Variants in WDPCP observed in about 807,000 individuals in gnomAD.
WDPCP encodes WD repeat containing planar cell polarity effector.
Under a neutral mutation model 93.1 loss-of-function variants are expected in WDPCP, and 71 were observed. The ratio of observed to expected loss-of-function variants is 0.76; its 90% CI spans 0.63 to 0.93. The LOEUF (loss-of-function observed/expected upper bound fraction) is 0.93. WDPCP is among the 40% of genes least tolerant of loss of function. The pLI is 0.00. For synonymous variants in WDPCP, 315 were observed against 315.0 expected, an observed-to-expected ratio of 1.00 and a Z score of 0.00; for missense variants, 844 against 887.4, an observed-to-expected ratio of 0.95 and a Z score of 0.62.
chr2:63,273,359 A>G (rs887663973), intron 13 of WDPCP, among the ~76,000 whole-genome samples: 4 of 152,064 alleles, frequency 2.6e-5, no homozygotes, highest in African/African-American at 9.7e-5. Context: ...AAATGTTACT[A>G]CTACAGAATC....
At chr2:63,532,060 C>T (rs191046440) in intron 1 of WDPCP, among the ~76,000 whole-genome samples, 14 of 152,058 alleles carry the variant, frequency 9.2e-5, no homozygotes, top group Non-Finnish European at 1.5e-4. Flanking sequence ...AACTACGTGA[C>T]GCATGCACAA....
At chr2:63,368,639 T>TAA (rs543071951) in intron 12 of WDPCP, among the ~76,000 whole-genome samples, 1 of 142,044 alleles carries the variant, frequency 7.0e-6, no homozygotes, top group African/African-American at 2.6e-5. Context: ...TTTATTTAAT[T>TAA]AAAAAAAAAA....
At chr2:63,595,206 TCTCA>T (rs1709282921) in intron 3 of WDPCP, among the ~76,000 whole-genome samples, 2 of 152,222 alleles carry the variant, frequency 1.3e-5, no homozygotes, top group South Asian at 4.1e-4. Context: ...TGGTGATTCC[TCTCA>T]CTGTGTCTGT....
intron 1 of WDPCP, among the ~76,000 whole-genome samples, chr2:63,535,585 A>G (rs901013014): frequency 6.6e-6 from 1 of 152,236 alleles, no homozygotes; most frequent in Non-Finnish European, 1.5e-5. Context: ...ATCTCTGACA[A>G]ACCTGACAAA....
At chr2:63,730,077 T>C (rs964635608) in intron 2 of WDPCP, among the ~76,000 whole-genome samples, 5 of 152,112 alleles carry the variant, frequency 3.3e-5, no homozygotes, top group African/African-American at 1.2e-4. Context: ...AGGAGACAAG[T>C]AGAAAAAGAG....
chr2:63,283,886 TAG>T (rs1011366371), intron 13 of WDPCP, among the ~76,000 whole-genome samples: 9 of 152,184 alleles, frequency 5.9e-5, no homozygotes, highest in Admixed American at 5.2e-4. Flanking sequence ...AGGAGTAACT[TAG>T]AGAACAATGA....
chr2:63,351,484 A>G (rs368656351), intron 12 of WDPCP, among the ~76,000 whole-genome samples: 18 of 152,070 alleles, frequency 1.2e-4, no homozygotes, highest in African/African-American at 4.3e-4. Context: ...ATGTCCATGT[A>G]TGCTCAATGT....
At chr2:63,278,077 G>C (rs962965435) in intron 13 of WDPCP, among the ~76,000 whole-genome samples, 22 of 152,070 alleles carry the variant, frequency 1.4e-4, no homozygotes, top group African/African-American at 5.3e-4. Flanking sequence ...AGACAACAGT[G>C]GAATAAAATT....
At chr2:63,451,638 C>CA (rs958112584) in intron 6 of WDPCP, among the ~76,000 whole-genome samples, 9 of 151,974 alleles carry the variant, frequency 5.9e-5, no homozygotes, top group African/African-American at 1.9e-4. Context: ...AGAGACACAA[C>CA]AAAAAAAGAG....
chr2:63,588,362 G>A lies in WDPCP; in HGVS notation c.-91C>T, dbSNP rs1709027110. The A allele has an allele frequency of 6.9e-7, 1 of 1,440,760 alleles. No individual in the cohort carries two copies. The highest frequency in any genetic ancestry group is 9.5e-7 in the Non-Finnish European group (1 of 1,047,562). 89.2% of individuals were successfully genotyped at this position (1,440,760 alleles called of 1,614,324 possible). A position where few individuals can be genotyped will look rare whatever the true frequency, so the allele number is the denominator to read the frequency against. On this transcript the variant is annotated 5_prime_UTR_variant, in exon 1 of 18. Transcript: ENST00000272321. ...GCTCGCTTGGTCTCTTGGGTCTCCAGGACGCCGCCGCCGCCGCCACAGTTT... is the reference window on the plus strand; with the variant it reads ...GCTCGCTTGGTCTCTTGGGTCTCCAAGACGCCGCCGCCGCCGCCACAGTTT...
intron 10 of WDPCP, among the ~76,000 whole-genome samples, chr2:63,389,027 C>G (rs1257191010): frequency 1.3e-5 from 2 of 152,096 alleles, no homozygotes; most frequent in Non-Finnish European, 2.9e-5. Context: ...GGCCAACATT[C>G]AAGTTCAAGA....
intron 3 of WDPCP, among the ~76,000 whole-genome samples, chr2:63,634,067 G>C (rs892589877): frequency 6.6e-6 from 1 of 152,044 alleles, no homozygotes; most frequent in African/African-American, 2.4e-5. Context: ...AAAAAAGGGG[G>C]ATTTAAATCC....
At chr2:63,211,848 C>A (rs958731068) in intron 14 of WDPCP, among the ~76,000 whole-genome samples, 2 of 151,978 alleles carry the variant, frequency 1.3e-5, no homozygotes, top group African/African-American at 4.8e-5. Context: ...CCAATTCGAT[C>A]AAGTGGAATA....
At chr2:63,497,221 T>C (rs1464189994) in intron 1 of WDPCP, among the ~76,000 whole-genome samples, 1 of 151,822 alleles carries the variant, frequency 6.6e-6, no homozygotes, top group Non-Finnish European at 1.5e-5. Flanking sequence ...GCAGAATCTG[T>C]ATCCAGCAAA....
intron 6 of WDPCP, among the ~76,000 whole-genome samples, chr2:63,460,487 C>A (rs1698930985): frequency 6.6e-6 from 1 of 152,020 alleles, no homozygotes; most frequent in Admixed American, 6.6e-5. Context: ...TGAAGTAATA[C>A]CAACATGTAA....
At chr2:63,474,749 T>A (rs1431149317) in intron 6 of WDPCP, among the ~76,000 whole-genome samples, 2 of 152,148 alleles carry the variant, frequency 1.3e-5, no homozygotes, top group Non-Finnish European at 2.9e-5. Context: ...GTTTATTTTA[T>A]GACACATGAA....
In WDPCP at chr2:63,433,928, A is replaced by G. The variant is rs1696951832; in HGVS notation, c.642T>C (p.Tyr214=). 11 of 1,613,668 alleles carry G rather than the reference A, an allele frequency of 6.8e-6. No homozygotes were observed. In the South Asian group the frequency reaches 1.1e-4, roughly 16 times the overall value. ...KLSALDYKIF[Y]YEIPGPINKT... ...TGTTTATTGGGCCGGGTATTTCATAATAGAAAATCTAACAATTTTAAAAAA... is the reference window on the plus strand; with the variant it reads ...TGTTTATTGGGCCGGGTATTTCATAGTAGAAAATCTAACAATTTTAAAAAA... Residue 214 remains tyrosine (Y), a synonymous_variant, in exon 9 of 18, where the codon TAT becomes TAC. Transcript: ENST00000272321.
chr2:63,304,866 C>T (rs1172124871), intron 13 of WDPCP, among the ~76,000 whole-genome samples: 2 of 152,144 alleles, frequency 1.3e-5, no homozygotes, highest in African/African-American at 4.8e-5. Flanking sequence ...TTCTTGCCAG[C>T]ACAGCAGTTT....
At chr2:63,141,897 T>C (rs906435460) in intron 17 of WDPCP, among the ~76,000 whole-genome samples, 8 of 152,186 alleles carry the variant, frequency 5.3e-5, no homozygotes, top group Non-Finnish European at 2.9e-5. Context: ...ATCCATCTCT[T>C]CTAGGTTTTC....
Sources: gnomAD v4.1 joint callset for allele counts (sites outside exome capture counted in the v4.1 genomes callset) on GRCh38, gnomAD v4.1.1 for gene constraint, MANE v1.5 for transcripts, NCBI Gene and HGNC (gene_info 2026-07-23, HGNC 2026-07-21) for gene names.